The following BAIAP2L2 variants were observed in gnomAD, a reference collection of about 807,000 sequenced individuals.
The protein encoded by BAIAP2L2 is BAR/IMD domain-containing adapter protein 2-like 2.
BAIAP2L2 carries 65 observed loss-of-function variants against 60.4 expected under a neutral mutation model. The observed-to-expected ratio is 1.08, with a 90% CI of 0.88 to 1.32. The LOEUF (loss-of-function observed/expected upper bound fraction) is 1.32. Ranked by LOEUF, BAIAP2L2 falls within the 40% of genes most tolerant of loss-of-function variation. The pLI, the probability that BAIAP2L2 is intolerant of heterozygous loss-of-function variation, is 0.00. For synonymous variants in BAIAP2L2, 344 were observed against 301.7 expected, an observed-to-expected ratio of 1.14 and a Z score of -1.45; for missense variants, 836 against 741.2, an observed-to-expected ratio of 1.13 and a Z score of -1.48.
intron 13 of BAIAP2L2, 29 bp downstream of exon 13, chr22:38,085,657 A>G: frequency 6.2e-7 from 1 of 1,609,462 alleles, no homozygotes; most frequent in Non-Finnish European, 8.5e-7. Flanking sequence ...CACCCTCCTC[A>G]CTGTTTGGGC....
chr22:38,085,658 C>T (rs1378847586), intron 13 of BAIAP2L2, 28 bp downstream of exon 13: 1 of 1,611,000 alleles, frequency 6.2e-7, no homozygotes, highest in Admixed American at 1.7e-5. Flanking sequence ...ACCCTCCTCA[C>T]TGTTTGGGCC....
Position 38,098,555 on chromosome 22 carries a change from T to G in BAIAP2L2, c.277-73A>C, listed in dbSNP as rs376099961. 8 of 1,292,258 alleles carry G rather than the reference T, an allele frequency of 6.2e-6. No individual in the cohort carries two copies. In the African/African-American group the frequency reaches 1.0e-4, roughly 16 times the overall value. The allele number at this position is 1,292,258 out of a possible 1,614,324, so 80.0% of individuals were successfully genotyped here. A position where few individuals can be genotyped will look rare whatever the true frequency, so the allele number is the denominator to read the frequency against. ...CAGGCCCCAGCACCCCCTTGCACTTTCTGCTATAACAGACTGCCCATCGTG... is the reference window on the plus strand; with the variant it reads ...CAGGCCCCAGCACCCCCTTGCACTTGCTGCTATAACAGACTGCCCATCGTG... On this transcript the variant is annotated intron_variant, in intron 4 of 13. Coordinates refer to ENST00000381669, the MANE Select transcript of BAIAP2L2 (RefSeq NM_025045.6).
chr22:38,109,306 C>A (rs1241857334), intron 1 of BAIAP2L2, 98 bp from the exon 2 acceptor site: 13 of 952,180 alleles, frequency 1.4e-5, no homozygotes, highest in African/African-American at 3.2e-5. Context: ...GGACAGGGCA[C>A]CCCCAGCCCA....
rs556749193 is a variant in BAIAP2L2, at chr22:38,108,196, G to A, written c.214+59C>T. 46 of 1,494,162 alleles carry A rather than the reference G, an allele frequency of 3.1e-5. No individual in the cohort carries two copies. The Admixed American group carries it at 6.6e-4, about 21-fold the overall frequency. 92.6% of individuals were successfully genotyped at this position (1,494,162 alleles called of 1,614,324 possible). ...GTCAGGGACTCGGGACATCCTGGAA[G>A]GGCAAGGGTGCAAAAGGAGGGCCCA... On this transcript the variant is annotated intron_variant, in intron 3 of 13. Transcript: ENST00000381669.
chr22:38,090,926 T>C (rs1288230214), intron 7 of BAIAP2L2: 1 of 152,230 alleles, frequency 6.6e-6, no homozygotes, highest in African/African-American at 2.4e-5. Flanking sequence ...GTCTAGCTGG[T>C]CACTAAGTGG....
At position 38,090,099 on chromosome 22, in the gene BAIAP2L2, A is replaced by ATTTTTTTTTTTT. The variant is rs749685662; in HGVS notation, c.613-437_613-426dup. On this transcript the variant is annotated intron_variant, in intron 7 of 13. Transcript: ENST00000381669. ...TACCCAGTAACACTATGGAAAATGC[A>ATTTTTTTTTTTT]TTTTTTTTTTTTTTTTTTTTTTTTT... 92 of 75,862 alleles carry ATTTTTTTTTTTT rather than the reference A, an allele frequency of 1.2e-3. 1 individual carries two copies. The highest frequency in any genetic ancestry group is 2.7e-3 in the South Asian group (5 of 1,854). The allele number at this position is 75,862 out of a possible 1,614,324, so 4.7% of individuals were successfully genotyped here.
At position 38,086,450 on chromosome 22, in the gene BAIAP2L2, C is replaced by G. The variant is rs1038167443; in HGVS notation, c.1260-1G>C. The G allele has an allele frequency of 2.0e-6, 3 of 1,488,048 alleles. No homozygotes were observed. Among genetic ancestry groups the G allele is most frequent in the Middle Eastern group, 1.8e-4 (1 of 5,524 alleles). The allele number at this position is 1,488,048 out of a possible 1,614,324, so 92.2% of individuals were successfully genotyped here. ...GTGGCTGCCCCGGAGTGGGTAGGAC[C>G]TAAGTCCAGAGAAAGGAGGGGGAAG... On this transcript the variant is annotated splice_acceptor_variant, in intron 11 of 13. Coordinates refer to ENST00000381669, the MANE Select transcript of BAIAP2L2 (RefSeq NM_025045.6). LOFTEE classifies it high-confidence loss of function.
intron 10 of BAIAP2L2, among the ~76,000 whole-genome samples, chr22:38,088,387 T>A (rs939202084): frequency 7.9e-5 from 12 of 152,210 alleles, no homozygotes; most frequent in African/African-American, 2.9e-4. Flanking sequence ...CCCAGCCCCC[T>A]GCATCAGAGT....
chr22:38,097,960 TG>T, intron 6 of BAIAP2L2, 102 bp downstream of exon 6: 2 of 1,090,584 alleles, frequency 1.8e-6, no homozygotes, highest in South Asian at 1.3e-5. Flanking sequence ...TGGTGCTCGG[TG>T]GGGGAGCTCA....
intron 6 of BAIAP2L2, 83 bp downstream of exon 6, chr22:38,097,980 T>C: frequency 1.5e-6 from 2 of 1,323,316 alleles, no homozygotes; most frequent in Non-Finnish European, 2.1e-6. Flanking sequence ...CAGGGAGGCG[T>C]TCGGGGTTCC....
intron 3 of BAIAP2L2, 71 bp from the exon 4 acceptor site, chr22:38,107,984 C>T: frequency 3.3e-6 from 5 of 1,522,242 alleles, no homozygotes. Context: ...CCCTCTTCCG[C>T]TGAAAGCCAA....
At chr22:38,089,969 C>T (rs1207625966) in intron 7 of BAIAP2L2, among the ~76,000 whole-genome samples, 1 of 152,034 alleles carries the variant, frequency 6.6e-6, no homozygotes, top group East Asian at 1.9e-4. Flanking sequence ...GGGTGGCACC[C>T]AGGCCTGGCC....
rs775771080 is a variant in BAIAP2L2, at chr22:38,088,770, C to T, written c.1096G>A (p.Gly366Ser). The T allele has an allele frequency of 1.9e-6, 3 of 1,600,048 alleles. No individual in the cohort carries two copies. The highest frequency in any genetic ancestry group is 1.7e-5 in the Admixed American group (1 of 59,840). ...VPEAQNGWLY[G>S]KLEGSSASGW... ...CACGCGGACGAGCCCTCCAGCTTGC[C>T]GTAGAGCCAGCCGTTCTGGGCCTCG... Residue 366 changes from glycine to serine, a missense_variant, in exon 10 of 14, where the codon GGC becomes AGC. Coordinates refer to ENST00000381669, the MANE Select transcript of BAIAP2L2 (RefSeq NM_025045.6).
At chr22:38,110,120 G>GGAGAGAGAGAGA (rs1202491630) in intron 1 of BAIAP2L2, among the ~76,000 whole-genome samples, 4 of 18,870 alleles carry the variant, frequency 2.1e-4, no homozygotes, top group East Asian at 1.3e-3. Flanking sequence ...AGAGAGAGAG[G>GGAGAGAGAGAGA]GAGAGAGAGA....
rs373990634 is a variant in BAIAP2L2, at chr22:38,098,488, C to T, written c.277-6G>A. 65 of 1,612,458 alleles carry T rather than the reference C, an allele frequency of 4.0e-5. No individual in the cohort carries two copies. The highest frequency in any genetic ancestry group is 5.2e-5 in the Non-Finnish European group (61 of 1,178,920). ...CCTCCATGGAATGTCTGCACCTGAG[C>T]GGAGTGCAGGGTGAGGGTGATCAAG... On this transcript the variant is annotated splice_polypyrimidine_tract_variant and splice_region_variant and intron_variant, in intron 4 of 13. Transcript: ENST00000381669.
chr22:38,094,105 A>T (rs947208383), intron 7 of BAIAP2L2: 3 of 426,658 alleles, frequency 7.0e-6, no homozygotes, highest in Admixed American at 4.9e-5. Context: ...CAGAATGGGC[A>T]AATGTATTGA....
chr22:38,107,968 C>T (rs1277102608), intron 3 of BAIAP2L2, 55 bp from the exon 4 acceptor site: 3 of 1,560,988 alleles, frequency 1.9e-6, no homozygotes, highest in Non-Finnish European at 2.6e-6. Flanking sequence ...CCCCGCCCAC[C>T]CACCACCCTC....
At chr22:38,095,863 G>T (rs2086416122) in intron 7 of BAIAP2L2, among the ~76,000 whole-genome samples, 1 of 152,116 alleles carries the variant, frequency 6.6e-6, no homozygotes, top group Non-Finnish European at 1.5e-5. Flanking sequence ...TTAATAAAGG[G>T]AAAAGGGGAA....
rs761793039 is a variant in BAIAP2L2, at chr22:38,098,473, A to C, written c.286T>G (p.Phe96Val). 3 of 1,613,664 alleles carry C rather than the reference A, an allele frequency of 1.9e-6. No homozygotes were observed. Among genetic ancestry groups the C allele is most frequent in the South Asian group, 1.1e-5 (1 of 91,066 alleles). The change falls in exon 5 of 14, where the codon TTC becomes GTC. Residue 96 changes from phenylalanine (F) to valine (V), a missense_variant. Transcript: ENST00000381669. ...ATGTGCTGCAGCAGGCCTCCATGGA[A>C]TGTCTGCACCTGAGCGGAGTGCAGG... ...NSDLEVVVQT[F>V]HGGLLQHMEK...
Sources: gnomAD v4.1 joint callset for allele counts (sites outside exome capture counted in the v4.1 genomes callset) on GRCh38, gnomAD v4.1.1 for gene constraint, MANE v1.5 for transcripts, NCBI Gene and HGNC (gene_info 2026-07-23, HGNC 2026-07-21) for gene names.